The following UBE2E2 variants were observed in gnomAD, a reference collection of about 807,000 sequenced individuals.
UBE2E2 encodes ubiquitin conjugating enzyme E2 E2.
UBE2E2 carries 6 observed loss-of-function variants against 24.7 expected under a neutral mutation model. That is an observed-to-expected ratio of 0.24 (90% CI 0.13 to 0.48). The LOEUF (loss-of-function observed/expected upper bound fraction) is 0.48, where lower values mean the gene tolerates loss of function less well. Ranked by LOEUF, UBE2E2 falls within the 20% of genes least tolerant of loss-of-function variation. The probability of loss-of-function intolerance (pLI) is 0.99; values close to 1 mark genes in which losing one functional copy is unlikely to be tolerated. For missense variants in UBE2E2, 169 were observed against 245.0 expected (o/e 0.69, Z 2.07); for synonymous variants, 104 against 83.6 (o/e 1.24, Z -1.33).
In UBE2E2 at chr3:23,350,754, G is replaced by T. The variant is rs535148870; in HGVS notation, c.227+133442G>T. ...GACTATGTGAAAAGACCAAATCTAC[G>T]TCTGATTGGTGTACCTGAAAGTGAC... On this transcript the variant is annotated intron_variant, in intron 3 of 5. Coordinates refer to ENST00000396703, the MANE Select transcript of UBE2E2 (RefSeq NM_152653.4). Among the ~76,000 whole-genome samples the T allele has an allele frequency of 4.5e-4, 68 of 152,316 alleles. 1 individual carries two copies. Among genetic ancestry groups the T allele is most frequent in the Non-Finnish European group, 6.8e-4 (46 of 68,024 alleles).
intron 3 of UBE2E2, among the ~76,000 whole-genome samples, chr3:23,436,174 T>A (rs917819596): frequency 2.5e-5 from 3 of 122,260 alleles, no homozygotes; most frequent in Admixed American, 2.2e-4. Flanking sequence ...GGTTTGGGGA[T>A]CCCTGGGTTA....
chr3:23,221,660 G>A (rs1172783774), intron 3 of UBE2E2, among the ~76,000 whole-genome samples: 1 of 151,598 alleles, frequency 6.6e-6, no homozygotes, highest in Non-Finnish European at 1.5e-5. Context: ...TTCTGAGACG[G>A]AGTTTCGCTC....
Position 23,351,031 on chromosome 3 carries a change from A to T in UBE2E2, c.227+133719A>T, listed in dbSNP as rs60689248. ...AAGGGAAGCCCATCAGACTAACAGC[A>T]GATCTCTCGGCAGAAACTCTACAAG... On this transcript the variant is annotated intron_variant, in intron 3 of 5. Coordinates refer to ENST00000396703, the MANE Select transcript of UBE2E2 (RefSeq NM_152653.4). Among the ~76,000 whole-genome samples the T allele has an allele frequency of 7.2e-4, 109 of 152,364 alleles. 5 individuals are homozygous for T. The East Asian group carries it at 0.016, about 22-fold the overall frequency.
At chr3:23,516,692 T>G (rs1194775370) in intron 4 of UBE2E2, among the ~76,000 whole-genome samples, 1 of 152,166 alleles carries the variant, frequency 6.6e-6, no homozygotes, top group Non-Finnish European at 1.5e-5. Context: ...TTTAATAGAT[T>G]TATTTTTATG....
chr3:23,245,570 A>G (rs186821039), intron 3 of UBE2E2, among the ~76,000 whole-genome samples: 1 of 152,216 alleles, frequency 6.6e-6, no homozygotes, highest in Non-Finnish European at 1.5e-5. Context: ...ACTAAACTTA[A>G]TAAAATATCA....
chr3:23,284,961 A>G (rs896289363), intron 3 of UBE2E2, among the ~76,000 whole-genome samples: 2 of 142,532 alleles, frequency 1.4e-5, no homozygotes, highest in Non-Finnish European at 3.0e-5. Flanking sequence ...TTGGAAAAAA[A>G]AATATATATA....
At chr3:23,467,181 AATATAC>A (rs1698937207) in intron 3 of UBE2E2, among the ~76,000 whole-genome samples, 1 of 152,228 alleles carries the variant, frequency 6.6e-6, no homozygotes, top group Non-Finnish European at 1.5e-5. Context: ...TTTATCAGGT[AATATAC>A]AGTACTACCT....
At chr3:23,326,505 A>T (rs1694894917) in intron 3 of UBE2E2, among the ~76,000 whole-genome samples, 1 of 152,150 alleles carries the variant, frequency 6.6e-6, no homozygotes, top group Non-Finnish European at 1.5e-5. Flanking sequence ...TTATGTTCTT[A>T]AATTGGTTAG....
At chr3:23,475,961 T>C (rs964145717) in intron 3 of UBE2E2, among the ~76,000 whole-genome samples, 2 of 152,108 alleles carry the variant, frequency 1.3e-5, no homozygotes, top group Non-Finnish European at 2.9e-5. Flanking sequence ...TTCACAGGAC[T>C]GGAGTTAATC....
At position 23,208,791 on chromosome 3, in the gene UBE2E2, C is replaced by T. The variant is rs745985067; in HGVS notation, c.92C>T (p.Pro31Leu). 6 of 1,613,476 alleles carry T rather than the reference C, an allele frequency of 3.7e-6. No individual in the cohort carries two copies. Among genetic ancestry groups the T allele is most frequent in the Non-Finnish European group, 8.5e-7 (1 of 1,179,700 alleles). ...CAACGTGAAAGTGTTCAGCAAGAAC[C>T]AGAAAGAGAACAAGTTCAGCCCAAG... ...GDQRESVQQEPEREQVQPKKK... is the reference protein window; with the variant it reads ...GDQRESVQQELEREQVQPKKK... Residue 31 changes from proline (P) to leucine (L), a missense_variant, in exon 2 of 6, where the codon CCA (proline) becomes CTA (leucine). Pro to Leu is a moderately conservative substitution (Grantham distance 98). Around this residue, in one of 2 missense-constraint regions of UBE2E2, gnomAD observed 64 missense variants for 64.3 expected, o/e 1.00. Transcript: ENST00000396703.
intron 5 of UBE2E2, among the ~76,000 whole-genome samples, chr3:23,572,993 A>T (rs1696260899): frequency 6.6e-6 from 1 of 152,146 alleles, no homozygotes; most frequent in Admixed American, 6.6e-5. Flanking sequence ...GAAATGCTTT[A>T]ATTGCTCCAA....
Position 23,295,252 on chromosome 3 carries a change from A to G in UBE2E2, c.227+77940A>G, listed in dbSNP as rs182231294. Reference sequence around the variant, plus strand: ...TCTCCCTTGATTTTTGGAGCATTGCACTTTTCTCCACTGCTCTCTGATCCT... The same window carrying G: ...TCTCCCTTGATTTTTGGAGCATTGCGCTTTTCTCCACTGCTCTCTGATCCT... On this transcript the variant is annotated intron_variant, in intron 3 of 5. Coordinates refer to ENST00000396703, the MANE Select transcript of UBE2E2 (RefSeq NM_152653.4). Among the ~76,000 whole-genome samples, 1,390 of 151,948 alleles carry G rather than the reference A, an allele frequency of 9.1e-3. 24 individuals carry two copies. Among genetic ancestry groups the G allele is most frequent in the African/African-American group, 0.032 (1,304 of 41,312 alleles).
At chr3:23,406,037 G>A (rs1229500957) in intron 3 of UBE2E2, among the ~76,000 whole-genome samples, 2 of 152,168 alleles carry the variant, frequency 1.3e-5, no homozygotes, top group Non-Finnish European at 2.9e-5. Flanking sequence ...AAGAATATGT[G>A]TTTGTTAAAA....
At chr3:23,482,884 T>C (rs1457440377) in intron 3 of UBE2E2, among the ~76,000 whole-genome samples, 1 of 152,226 alleles carries the variant, frequency 6.6e-6, no homozygotes, top group East Asian at 1.9e-4. Flanking sequence ...ATCCAGAGAT[T>C]AAATATTGTT....
chr3:23,286,431 G>A (rs1279934599), intron 3 of UBE2E2, among the ~76,000 whole-genome samples: 1 of 152,018 alleles, frequency 6.6e-6, no homozygotes, highest in Admixed American at 6.6e-5. Flanking sequence ...GTATGTTCTT[G>A]GCACCTTTGT....
At position 23,560,402 on chromosome 3, in the gene UBE2E2, T is replaced by C. The variant is rs576935657; in HGVS notation, c.508+27701T>C. On this transcript the variant is annotated intron_variant, in intron 5 of 5. Transcript: ENST00000396703. ...CCCTACAAAGGACATGAACTCATCC[T>C]TTTTTATGGCTGCATAATATTCCAT... is the stretch of plus-strand genomic sequence containing the variant. Among the ~76,000 whole-genome samples, 7 of 152,290 alleles carry C rather than the reference T, an allele frequency of 4.6e-5. No homozygotes were observed. The South Asian group carries it at 1.0e-3, about 23-fold the overall frequency.
At position 23,257,516 on chromosome 3, in the gene UBE2E2, C is replaced by G. The variant is rs1246304647; in HGVS notation, c.227+40204C>G. Among the ~76,000 whole-genome samples the G allele has an allele frequency of 1.9e-3, 17 of 9,050 alleles. 1 individual carries two copies. The highest frequency in any genetic ancestry group is 4.5e-3 in the African/African-American group (13 of 2,868). 5.9% of individuals were successfully genotyped at this position (9,050 alleles called of 152,430 possible). ...TTTCTTCTGGCTGTTTCCCGTGCCCCCCCCCCCCCCCCACTTTTTTTTTTT... is the reference window on the plus strand; with the variant it reads ...TTTCTTCTGGCTGTTTCCCGTGCCCGCCCCCCCCCCCCACTTTTTTTTTTT... On this transcript the variant is annotated intron_variant, in intron 3 of 5. Transcript: ENST00000396703.
intron 5 of UBE2E2, among the ~76,000 whole-genome samples, chr3:23,586,984 G>A (rs1029096702): frequency 2.0e-5 from 3 of 151,414 alleles, no homozygotes; most frequent in Admixed American, 6.6e-5. Flanking sequence ...TTTTCTTTGC[G>A]TGGATTTATA....
chr3:23,468,325 T>G (rs1399462890), intron 3 of UBE2E2, among the ~76,000 whole-genome samples: 1 of 152,216 alleles, frequency 6.6e-6, no homozygotes, highest in Non-Finnish European at 1.5e-5. Flanking sequence ...ATCTTATTTC[T>G]CCAATAAAAT....
Sources: gnomAD v4.1 joint callset for allele counts (sites outside exome capture counted in the v4.1 genomes callset) on GRCh38, gnomAD v4.1.1 for gene constraint, gnomAD v4.1.1 regional missense constraint, MANE v1.5 for transcripts, NCBI Gene and HGNC (gene_info 2026-07-23, HGNC 2026-07-21) for gene names.